Variants in NTRK2 observed in about 807,000 individuals in gnomAD.
NTRK2 encodes the protein neurotrophic receptor tyrosine kinase 2.
Under a neutral mutation model 94.5 loss-of-function variants are expected in NTRK2, and 13 were observed. That is an observed-to-expected ratio of 0.14 (90% CI 0.09 to 0.22). The LOEUF is 0.22. Among genes scored for constraint, NTRK2 ranks in the 10% least tolerant of loss-of-function variants. The pLI, the probability that NTRK2 is intolerant of heterozygous loss-of-function variation, is 1.00. For missense variants in NTRK2, 639 were observed against 1,071.2 expected, an observed-to-expected ratio of 0.60 and a Z score of 5.63; for synonymous variants, 372 against 407.4, an observed-to-expected ratio of 0.91 and a Z score of 1.05.
At chr9:84,742,833 C>CTTTT in intron 10 of NTRK2, among the ~76,000 whole-genome samples, 1 of 112,184 alleles carries the variant, frequency 8.9e-6, no homozygotes, top group African/African-American at 3.4e-5. Flanking sequence ...CGGAGTCTCA[C>CTTTT]TTTGTTGCCC....
intron 14 of NTRK2, among the ~76,000 whole-genome samples, chr9:84,870,333 A>G (rs9722992): frequency 0.21 from 7,763 of 36,334 alleles, 1,082 homozygotes; most frequent in African/African-American, 0.34. Context: ...GTGTGTGTGT[A>G]TATATATATA....
intron 12 of NTRK2, among the ~76,000 whole-genome samples, chr9:84,756,819 C>T (rs1247910647): frequency 6.6e-6 from 1 of 152,084 alleles, no homozygotes; most frequent in Non-Finnish European, 1.5e-5. Flanking sequence ...GGAAAGCTAC[C>T]CTGCCTTGGG....
intron 12 of NTRK2, among the ~76,000 whole-genome samples, chr9:84,782,108 G>A: frequency 6.6e-6 from 1 of 151,732 alleles, no homozygotes; most frequent in East Asian, 1.9e-4. Context: ...GTGGGTGAGA[G>A]GAGCAGGTTT....
At chr9:84,926,106 T>TTCCC (rs1564470625) in intron 14 of NTRK2, among the ~76,000 whole-genome samples, 16 of 108,852 alleles carry the variant, frequency 1.5e-4, no homozygotes, top group African/African-American at 6.2e-4. Context: ...CCTTCCTTCC[T>TTCCC]TTCCTTCCTT....
At chr9:84,938,828 A>G (rs1176387910) in intron 15 of NTRK2, among the ~76,000 whole-genome samples, 1 of 152,140 alleles carries the variant, frequency 6.6e-6, no homozygotes, top group Non-Finnish European at 1.5e-5. Context: ...AGGCAGATGA[A>G]TTGCTTGAGC....
At chr9:84,715,052 T>C (rs1178312616) in intron 6 of NTRK2, among the ~76,000 whole-genome samples, 1 of 152,244 alleles carries the variant, frequency 6.6e-6, no homozygotes, top group Non-Finnish European at 1.5e-5. Flanking sequence ...AGAGATATTA[T>C]ATGGAGAACA....
At chr9:85,006,020 C>G (rs190657367) in intron 17 of NTRK2, among the ~76,000 whole-genome samples, 10 of 152,308 alleles carry the variant, frequency 6.6e-5, no homozygotes, top group African/African-American at 2.2e-4. Context: ...GTGCCTACGA[C>G]AATGCCTCAC....
intron 10 of NTRK2, among the ~76,000 whole-genome samples, chr9:84,742,267 A>G (rs1405141504): frequency 6.6e-6 from 1 of 152,212 alleles, no homozygotes; most frequent in African/African-American, 2.4e-5. Context: ...GTTTCTGGCT[A>G]TGACAGTAAA....
intron 2 of NTRK2, among the ~76,000 whole-genome samples, chr9:84,685,009 G>A (rs978466903): frequency 6.6e-6 from 1 of 151,504 alleles, no homozygotes; most frequent in Non-Finnish European, 1.5e-5. Flanking sequence ...TATGTTGTAG[G>A]TGTGGCTAAG....
chr9:84,774,831 C>T (rs989433844), intron 12 of NTRK2, among the ~76,000 whole-genome samples: 16 of 151,998 alleles, frequency 1.1e-4, no homozygotes, highest in Admixed American at 9.8e-4. Context: ...GGAATAATGA[C>T]ATACACCTTA....
intron 17 of NTRK2, among the ~76,000 whole-genome samples, chr9:85,005,004 A>G (rs1324461212): frequency 1.3e-5 from 2 of 152,184 alleles, no homozygotes; most frequent in Non-Finnish European, 2.9e-5. Context: ...TGAAGGAGCT[A>G]GTAATAATAG....
chr9:84,880,773 GC>G (rs2076231871), intron 14 of NTRK2, among the ~76,000 whole-genome samples: 1 of 152,162 alleles, frequency 6.6e-6, no homozygotes, highest in African/African-American at 2.4e-5. Flanking sequence ...TCTTTACTGG[GC>G]TTGGTAAGTG....
chr9:84,949,810 C>A (rs899516888), intron 16 of NTRK2, among the ~76,000 whole-genome samples: 10 of 152,172 alleles, frequency 6.6e-5, no homozygotes, highest in African/African-American at 2.4e-4. Context: ...GAACTCCCCT[C>A]CCTCAGATGA....
intron 14 of NTRK2, among the ~76,000 whole-genome samples, chr9:84,925,205 T>G (rs1334420991): frequency 6.6e-6 from 1 of 151,656 alleles, no homozygotes; most frequent in Non-Finnish European, 1.5e-5. Context: ...CTTCTTCTTT[T>G]TTTTTTTTTT....
At chr9:84,879,095 G>A (rs1211652905) in intron 14 of NTRK2, among the ~76,000 whole-genome samples, 1 of 151,988 alleles carries the variant, frequency 6.6e-6, no homozygotes, top group Non-Finnish European at 1.5e-5. Flanking sequence ...TTTATTTGTT[G>A]TATGTGACTC....
intron 17 of NTRK2, among the ~76,000 whole-genome samples, chr9:84,975,214 T>C (rs1387110887): frequency 4.6e-5 from 7 of 151,902 alleles, no homozygotes; most frequent in African/African-American, 7.3e-5. Context: ...GGAGCTTTTT[T>C]CCCCCCTCTT....
At chr9:84,931,662 C>A in intron 14 of NTRK2, among the ~76,000 whole-genome samples, 1 of 147,884 alleles carries the variant, frequency 6.8e-6, no homozygotes, top group African/African-American at 2.5e-5. Context: ...TTATTTTCCA[C>A]CAAATTTTTC....
At chr9:84,921,184 C>A (rs1454751184) in intron 14 of NTRK2, among the ~76,000 whole-genome samples, 1 of 152,178 alleles carries the variant, frequency 6.6e-6, no homozygotes, top group East Asian at 1.9e-4. Flanking sequence ...GACCCCAAAG[C>A]CCAATGGGTG....
At chr9:84,939,067 A>AAAAAAAAAAAAAAAAAAAG (rs1554772373) in intron 15 of NTRK2, among the ~76,000 whole-genome samples, 1 of 144,560 alleles carries the variant, frequency 6.9e-6, no homozygotes, top group Admixed American at 7.4e-5. Context: ...AAAAAAAAAA[A>AAAAAAAAAAAAAAAAAAAG]AAAAGAAAAG....
Sources: gnomAD v4.1 joint callset for allele counts (sites outside exome capture counted in the v4.1 genomes callset) on GRCh38, gnomAD v4.1.1 for gene constraint, MANE v1.5 for transcripts, NCBI Gene and HGNC (gene_info 2026-07-23, HGNC 2026-07-21) for gene names.